Variants in MDN1 observed in about 807,000 individuals in gnomAD.
MDN1 encodes midasin AAA ATPase 1.
MDN1 carries 266 observed loss-of-function variants against 669.2 expected under a neutral mutation model. The observed-to-expected ratio is 0.40, with a 90% CI of 0.36 to 0.44. MDN1 has a LOEUF of 0.44. MDN1 is among the 20% of genes least tolerant of loss of function. The pLI, the probability that MDN1 is intolerant of heterozygous loss-of-function variation, is 1.00. For synonymous variants in MDN1, 2,385 were observed against 2,457.1 expected, an observed-to-expected ratio of 0.97 and a Z score of 0.87; for missense variants, 5,940 against 6,754.0, an observed-to-expected ratio of 0.88 and a Z score of 4.22.
intron 29 of MDN1, among the ~76,000 whole-genome samples, 171 bp from the exon 30 acceptor site, chr6:89,743,885 G>A (rs1816426011): frequency 6.6e-6 from 1 of 151,950 alleles, no homozygotes; most frequent in East Asian, 1.9e-4. Context: ...CTACACGACT[G>A]CACTCTCCCA....
intron 29 of MDN1, among the ~76,000 whole-genome samples, chr6:89,744,741 A>G (rs985632901): frequency 2.0e-5 from 3 of 151,776 alleles, no homozygotes; most frequent in Admixed American, 1.3e-4. Flanking sequence ...AAATTAGCCA[A>G]GTGTGGTGGT....
intron 52 of MDN1, among the ~76,000 whole-genome samples, chr6:89,706,404 AT>A (rs967641011): frequency 9.8e-4 from 145 of 147,402 alleles, no homozygotes; most frequent in African/African-American, 1.4e-3. Flanking sequence ...CAGATTTTCA[AT>A]TTTTTTTTTT....
At position 89,690,851 on chromosome 6, in the gene MDN1, CAGAA is replaced by C; in HGVS notation, c.10588-21_10588-18del. The C allele has an allele frequency of 1.2e-6, 2 of 1,611,386 alleles. No individual in the cohort carries two copies. The highest frequency in any genetic ancestry group is 8.5e-7 in the Non-Finnish European group (1 of 1,178,816). ...GATGATTTCCTGAAAGTCACACAGA[CAGAA>C]AGAAGCTGAGCTTTCTTTGCTGAGG... On this transcript the variant is annotated intron_variant, in intron 63 of 101. Transcript: ENST00000369393.
chr6:89,790,164 T>G lies in MDN1; in HGVS notation c.1093A>C (p.Ser365Arg), dbSNP rs757167197. 2.5e-6 allele frequency: 4 copies of G among 1,614,070 alleles called. No individual in the cohort carries two copies. Among genetic ancestry groups the G allele is most frequent in the Non-Finnish European group, 1.7e-6 (2 of 1,180,008 alleles). Residue 365 changes from serine (S) to arginine (R), a missense_variant, in exon 6 of 102, where the codon AGT becomes CGT. By Grantham distance (110) the Ser-to-Arg change is moderately radical. This residue lies in a region of MDN1 where 1,203 missense variants were observed against 1,268.9 expected (regional missense o/e 0.95). Coordinates refer to ENST00000369393, the MANE Select transcript of MDN1 (RefSeq NM_014611.3). ...LKVQLGDQTDSKMLLGMYRCT... is the reference protein window; with the variant it reads ...LKVQLGDQTDRKMLLGMYRCT... ...ACTTAACATTTCCTTATTACCTTAC[T>G]GTCAGTCTGATCTCCAAGCTGGACT...
chr6:89,758,338 C>G lies in MDN1; in HGVS notation c.2619G>C (p.Arg873=). The G allele has an allele frequency of 1.2e-6, 2 of 1,608,442 alleles. No individual in the cohort carries two copies. Among genetic ancestry groups the G allele is most frequent in the Non-Finnish European group, 1.7e-6 (2 of 1,176,892 alleles). The change falls in exon 19 of 102, where the codon CGG becomes CGC. Residue 873 remains arginine (R), a synonymous_variant. Transcript: ENST00000369393. ...AGGCAAATAAACGGAAGTCAGGATG[C>G]CGAACCAGTGGCTCTGTTAAGAGAA... ...LDRGDTEPLV[R]HPDFRLFACM... is the part of the protein sequence containing the mutation.
chr6:89,751,499 A>G lies in MDN1; in HGVS notation c.3159T>C (p.Asp1053=). 6.2e-7 allele frequency: 1 copy of G among 1,614,184 alleles called. No individual in the cohort carries two copies. Among genetic ancestry groups the G allele is most frequent in the Non-Finnish European group, 8.5e-7 (1 of 1,180,024 alleles). Reference sequence around the variant, plus strand: ...CAGAAGATGTCAGAATGTACGTCTCATCTATTGTAGGCTCCTTGTCTCCCA... The same window carrying G: ...CAGAAGATGTCAGAATGTACGTCTCGTCTATTGTAGGCTCCTTGTCTCCCA... ...IAVGDKEPTI[D]ETYILTSSVK... Residue 1053 remains aspartate (D), a synonymous_variant, in exon 23 of 102, where the codon GAT becomes GAC. Transcript: ENST00000369393.
At chr6:89,815,222 G>C (rs1768738892) in intron 1 of MDN1, 1 of 395,442 alleles carries the variant, frequency 2.5e-6, no homozygotes, top group Non-Finnish European at 4.9e-6. Flanking sequence ...CTGCCTTCCA[G>C]AGCCCCTACT....
chr6:89,677,016 C>CAA lies in MDN1; in HGVS notation c.12539+552_12539+553dup, dbSNP rs577064668. Among the ~76,000 whole-genome samples, 296 of 80,170 alleles carry CAA rather than the reference C, an allele frequency of 3.7e-3. 1 individual carries two copies. Among genetic ancestry groups the CAA allele is most frequent in the South Asian group, 8.8e-3 (21 of 2,392 alleles). 52.6% of individuals were successfully genotyped at this position (80,170 alleles called of 152,430 possible). A position where few individuals can be genotyped will look rare whatever the true frequency, so the allele number is the denominator to read the frequency against. ...AGTAGACCTCAGGAAAATCAAAAGG[C>CAA]AAAAAAAAAAAAAAAAAAGGGAAGA... On this transcript the variant is annotated intron_variant, in intron 76 of 101. Coordinates refer to ENST00000369393, the MANE Select transcript of MDN1 (RefSeq NM_014611.3).
chr6:89,796,339 A>AAC, intron 2 of MDN1, among the ~76,000 whole-genome samples: 1 of 108,968 alleles, frequency 9.2e-6, no homozygotes, highest in East Asian at 2.0e-4. Context: ...AAAAAAAAAA[A>AAC]AAAAAAAAAA....
chr6:89,699,522 T>A, intron 58 of MDN1, 79 bp downstream of exon 58: 1 of 1,465,810 alleles, frequency 6.8e-7, no homozygotes, highest in Middle Eastern at 1.8e-4. Flanking sequence ...ATAAATAAAA[T>A]GTTTCCCAAC....
intron 58 of MDN1, 106 bp from the exon 59 acceptor site, chr6:89,699,141 G>A: frequency 9.4e-7 from 1 of 1,068,222 alleles, no homozygotes; most frequent in South Asian, 1.7e-5. Context: ...TAAGTTTAAA[G>A]GTATTAATCC....
Position 89,718,389 on chromosome 6 carries a change from T to C in MDN1, c.6560A>G (p.Lys2187Arg), listed in dbSNP as rs986586385. Residue 2187 changes from lysine to arginine, a missense_variant, in exon 43 of 102, where the codon AAA becomes AGA. By Grantham distance (26) the Lys-to-Arg change is conservative. Coordinates refer to ENST00000369393, the MANE Select transcript of MDN1 (RefSeq NM_014611.3). Reference protein sequence around the residue: ...VLLLMQRLNNKINSYCKAEFA... With the variant: ...VLLLMQRLNNRINSYCKAEFA... ...ACCTGCCTTGCAGTATGAGTTGATTTTATTGTTGAGTCGCTGCATAAGCAA... is the reference window on the plus strand; with the variant it reads ...ACCTGCCTTGCAGTATGAGTTGATTCTATTGTTGAGTCGCTGCATAAGCAA... 3.1e-6 allele frequency: 5 copies of C among 1,613,856 alleles called. No homozygotes were observed. In the African/African-American group the frequency reaches 5.3e-5, roughly 17 times the overall value.
chr6:89,763,345 A>C (rs1334722138), intron 15 of MDN1, among the ~76,000 whole-genome samples: 1 of 151,774 alleles, frequency 6.6e-6, no homozygotes, highest in Non-Finnish European at 1.5e-5. Flanking sequence ...AAAAAAAAAA[A>C]AAAAAAAAAA....
At chr6:89,711,920 A>C in intron 49 of MDN1, 116 bp downstream of exon 49, 1 of 914,090 alleles carries the variant, frequency 1.1e-6, no homozygotes, top group Non-Finnish European at 1.6e-6. Context: ...TTCCTAGGAG[A>C]CCTCCCAACT....
chr6:89,734,670 G>GAAAAAAA (rs778207435), intron 33 of MDN1, among the ~76,000 whole-genome samples: 13 of 28,600 alleles, frequency 4.5e-4, no homozygotes, highest in African/African-American at 1.6e-3. Flanking sequence ...AAAGGAAGAA[G>GAAAAAAA]AAAAAAAAAA....
rs1362082159 is a variant in MDN1 at position 89,713,017 on chromosome 6, A to C, written c.7218+131T>G. The C allele has an allele frequency of 3.7e-5, 38 of 1,019,286 alleles. No individual in the cohort carries two copies. In the African/African-American group the frequency reaches 5.0e-4, roughly 14 times the overall value. The allele number at this position is 1,019,286 out of a possible 1,614,324, so 63.1% of individuals were successfully genotyped here. A position where few individuals can be genotyped will look rare whatever the true frequency, so the allele number is the denominator to read the frequency against. On this transcript the variant is annotated intron_variant, in intron 47 of 101. Transcript: ENST00000369393. ...TTCCAGAAAAGTACCTGGATACCAG[A>C]TCTCTATTAGAGCAAACTGCAGTGG...
Position 89,645,020 on chromosome 6 carries a change from A to C in MDN1, c.16597T>G (p.Ser5533Ala), listed in dbSNP as rs1355283165. ...VIFVVLDNPS[S>A]RDSILDIKVP... ...GGCTTTTAGTAGTCACTCACCCGTGAACTGGGATTGTCCAATACAACAAAG... is the reference window on the plus strand; with the variant it reads ...GGCTTTTAGTAGTCACTCACCCGTGCACTGGGATTGTCCAATACAACAAAG... Residue 5533 changes from serine to alanine, a missense_variant, in exon 101 of 102, where the codon TCA becomes GCA. Around this residue, in one of 5 missense-constraint regions of MDN1, gnomAD observed 2,280 missense variants for 2,576.3 expected, o/e 0.88. Coordinates refer to ENST00000369393, the MANE Select transcript of MDN1 (RefSeq NM_014611.3). The C allele has an allele frequency of 6.3e-7, 1 of 1,589,472 alleles. No individual in the cohort carries two copies. Among genetic ancestry groups the C allele is most frequent in the South Asian group, 1.1e-5 (1 of 90,320 alleles).
chr6:89,686,004 G>T (rs2128307226), intron 69 of MDN1, 31 bp from the exon 70 acceptor site: 1 of 1,603,352 alleles, frequency 6.2e-7, no homozygotes, highest in South Asian at 1.1e-5. Context: ...AAATATATAT[G>T]TTCCTTCGAC....
chr6:89,796,359 AAAAC>A (rs1244882036), intron 2 of MDN1, among the ~76,000 whole-genome samples: 142 of 151,122 alleles, frequency 9.4e-4, no homozygotes, highest in African/African-American at 3.3e-3. Flanking sequence ...AACAAAAAAA[AAAAC>A]CAAACACTTT....
Sources: allele counts gnomAD v4.1 joint callset (sites outside exome capture counted in the v4.1 genomes callset), GRCh38; gene constraint gnomAD v4.1.1; regional missense constraint gnomAD v4.1.1; transcripts MANE v1.5; gene names NCBI Gene and HGNC (gene_info 2026-07-23, HGNC 2026-07-21).